Variants in TMEM108 observed in about 807,000 individuals in gnomAD.
TMEM108 encodes transmembrane protein 108.
TMEM108 carries 12 observed loss-of-function variants against 35.1 expected under a neutral mutation model. The ratio of observed to expected loss-of-function variants is 0.34; its 90% confidence interval spans 0.22 to 0.55. The LOEUF (loss-of-function observed/expected upper bound fraction) is 0.55. Among genes scored for constraint, TMEM108 ranks in the 20% least tolerant of loss-of-function variants. TMEM108 has a pLI of 0.89. For synonymous variants in TMEM108, 287 were observed against 308.6 expected, an observed-to-expected ratio of 0.93 and a Z score of 0.73; for missense variants, 680 against 753.3, an observed-to-expected ratio of 0.90 and a Z score of 1.14.
chr3:133,136,344 A>G (rs1944564285), intron 2 of TMEM108, among the ~76,000 whole-genome samples: 1 of 152,222 alleles, frequency 6.6e-6, no homozygotes, highest in Non-Finnish European at 1.5e-5. Context: ...AGACAGGGCA[A>G]GAGAAGAGGG....
chr3:133,252,063 A>G (rs1946479666), intron 3 of TMEM108, among the ~76,000 whole-genome samples: 1 of 152,178 alleles, frequency 6.6e-6, no homozygotes, highest in South Asian at 2.1e-4. Context: ...TACTGTCACC[A>G]TCGATGTATC....
chr3:133,183,712 A>G (rs77560257), intron 2 of TMEM108, among the ~76,000 whole-genome samples: 1 of 152,128 alleles, frequency 6.6e-6, no homozygotes, highest in Admixed American at 6.5e-5. Flanking sequence ...TTGTTGAGGC[A>G]GGGAGTGGGC....
At chr3:133,090,324 A>G (rs1209700765) in intron 2 of TMEM108, among the ~76,000 whole-genome samples, 1 of 152,234 alleles carries the variant, frequency 6.6e-6, no homozygotes, top group Non-Finnish European at 1.5e-5. Context: ...CAAGGCAGTG[A>G]TGTCATTCTT....
chr3:133,286,090 T>C (rs1045446583), intron 3 of TMEM108, among the ~76,000 whole-genome samples: 5 of 152,170 alleles, frequency 3.3e-5, no homozygotes, highest in Non-Finnish European at 7.3e-5. Context: ...ACACAATAGG[T>C]TTTCCGTAAA....
At chr3:133,392,962 T>C (rs1361095858) in intron 5 of TMEM108, among the ~76,000 whole-genome samples, 1 of 152,218 alleles carries the variant, frequency 6.6e-6, no homozygotes, top group Admixed American at 6.5e-5. Flanking sequence ...GCTTCCACTT[T>C]CAAGTGGCTC....
intron 2 of TMEM108, among the ~76,000 whole-genome samples, chr3:133,096,882 G>A (rs1944022070): frequency 1.3e-5 from 2 of 152,206 alleles, no homozygotes; most frequent in Admixed American, 1.3e-4. Context: ...GACAGCCAAG[G>A]AACCAGGGCA....
intron 3 of TMEM108, among the ~76,000 whole-genome samples, chr3:133,267,467 A>G (rs1946715623): frequency 6.6e-6 from 1 of 152,244 alleles, no homozygotes; most frequent in Non-Finnish European, 1.5e-5. Flanking sequence ...GATGAAAGAT[A>G]TCCCAAGAAG....
Position 133,380,865 on chromosome 3 carries a change from C to T in TMEM108, c.1154C>T (p.Ala385Val). 6.2e-7 allele frequency: 1 copy of T among 1,614,186 alleles called. No individual in the cohort carries two copies. Among genetic ancestry groups the T allele is most frequent in the Non-Finnish European group, 8.5e-7 (1 of 1,180,024 alleles). The change falls in exon 4 of 6, where the codon GCT becomes GTT. Residue 385 changes from alanine (A) to valine (V), a missense_variant. Physicochemically the swap from Ala to Val is moderately conservative, Grantham distance 64. Around this residue, in one of 3 missense-constraint regions of TMEM108, gnomAD observed 526 missense variants for 532.1 expected, o/e 0.99. Coordinates refer to ENST00000321871, the MANE Select transcript of TMEM108 (RefSeq NM_023943.4). The surrounding 1 kb of genome is among the most constrained non-coding windows in gnomAD (Gnocchi z 5.3). Reference sequence around the variant, plus strand: ...CAGGGAGCATCCACAACCCCACAAGCTCCAACCCATCCCTCCAGGGTCTCA... The same window carrying T: ...CAGGGAGCATCCACAACCCCACAAGTTCCAACCCATCCCTCCAGGGTCTCA... ...IPQGASTTPQ[A>V]PTHPSRVSES...
rs954095071 is a variant in TMEM108 at position 133,294,355 on chromosome 3, T to A, written c.40+65004T>A. On this transcript the variant is annotated intron_variant, in intron 3 of 5. Coordinates refer to ENST00000321871, the MANE Select transcript of TMEM108 (RefSeq NM_023943.4). ...CACCATTTTTGTGTTATTTACTTTT[T>A]AAAAAATGCAATTTAGGGTTGAGAA... 7.2e-5 allele frequency among the ~76,000 whole-genome samples: 11 copies of A among 152,124 alleles called. 1 individual carries two copies. Among genetic ancestry groups the A allele is most frequent in the Admixed American group, 7.2e-4 (11 of 15,266 alleles).
intron 2 of TMEM108, among the ~76,000 whole-genome samples, chr3:133,138,929 C>G (rs996075239): frequency 4.6e-5 from 7 of 151,920 alleles, no homozygotes; most frequent in Admixed American, 1.3e-4. Flanking sequence ...TCCCCACCCC[C>G]CAACAGGCCC....
chr3:133,247,774 T>G (rs1275342641), intron 3 of TMEM108: 1 of 152,188 alleles, frequency 6.6e-6, no homozygotes, highest in African/African-American at 2.4e-5. Context: ...GGTATTATGC[T>G]AAGCACTGGG....
intron 3 of TMEM108, among the ~76,000 whole-genome samples, chr3:133,251,100 G>C (rs527624769): frequency 1.1e-4 from 17 of 152,308 alleles, no homozygotes; most frequent in African/African-American, 3.6e-4. Context: ...GCCAGTCCAT[G>C]ATCAGTCATT....
chr3:133,057,455 A>ATATATGTGTG (rs1943482290), intron 2 of TMEM108, among the ~76,000 whole-genome samples: 2 of 43,008 alleles, frequency 4.7e-5, no homozygotes, highest in South Asian at 8.2e-4. Flanking sequence ...ATATATATAT[A>ATATATGTGTG]TATATATATA....
chr3:133,222,995 AT>A (rs532343817), intron 2 of TMEM108, among the ~76,000 whole-genome samples: 2 of 151,880 alleles, frequency 1.3e-5, no homozygotes, highest in Non-Finnish European at 2.9e-5. Context: ...TAATTTTTAA[AT>A]TTTTTTTGTA....
At chr3:133,350,828 G>C (rs2071973009) in intron 3 of TMEM108, among the ~76,000 whole-genome samples, 1 of 152,054 alleles carries the variant, frequency 6.6e-6, no homozygotes, top group Admixed American at 6.6e-5. Context: ...GGGTGTAAAG[G>C]CAGTTTTACA....
intron 2 of TMEM108, among the ~76,000 whole-genome samples, chr3:133,169,299 T>C (rs1259440751): frequency 6.6e-6 from 1 of 152,116 alleles, no homozygotes; most frequent in Non-Finnish European, 1.5e-5. Context: ...CTTGATGATA[T>C]AGTTGTGTAC....
chr3:133,155,322 A>ATG (rs1944864606), intron 2 of TMEM108, among the ~76,000 whole-genome samples: 1 of 152,100 alleles, frequency 6.6e-6, no homozygotes, highest in African/African-American at 2.4e-5. Context: ...AATAAACATA[A>ATG]TGTGTGCATG....
intron 4 of TMEM108, among the ~76,000 whole-genome samples, chr3:133,382,859 C>T (rs936452867): frequency 7.9e-5 from 12 of 152,210 alleles, no homozygotes; most frequent in Non-Finnish European, 1.0e-4. Context: ...TCATAGCTTT[C>T]GGTCTCCTTC....
intron 2 of TMEM108, among the ~76,000 whole-genome samples, chr3:133,161,642 C>G (rs2107779457): frequency 1.3e-5 from 2 of 148,610 alleles, no homozygotes; most frequent in East Asian, 3.9e-4. Context: ...GTGATATGTT[C>G]AAAGAAACAA....
Sources: gnomAD v4.1 joint callset for allele counts (sites outside exome capture counted in the v4.1 genomes callset) on GRCh38, gnomAD v4.1.1 for gene constraint, gnomAD v4.1.1 regional missense constraint, Gnocchi (gnomAD v3.1) non-coding constraint, MANE v1.5 for transcripts, NCBI Gene and HGNC (gene_info 2026-07-23, HGNC 2026-07-21) for gene names.